Variants in DPP6 observed in about 807,000 individuals in gnomAD.
DPP6 encodes A-type potassium channel modulatory protein DPP6.
DPP6 carries 69 observed loss-of-function variants against 122.6 expected under a neutral mutation model. That is an observed-to-expected ratio of 0.56 (90% CI 0.46 to 0.69). The LOEUF is 0.69. Ranked by LOEUF, DPP6 falls within the 30% of genes least tolerant of loss-of-function variation. The pLI is 0.00. For synonymous variants in DPP6, 418 were observed against 433.1 expected, an observed-to-expected ratio of 0.97 and a Z score of 0.43; for missense variants, 928 against 1,116.9, an observed-to-expected ratio of 0.83 and a Z score of 2.41.
intron 5 of DPP6, among the ~76,000 whole-genome samples, chr7:154,620,589 A>T (rs1254617742): frequency 6.6e-6 from 1 of 152,222 alleles, no homozygotes; most frequent in Non-Finnish European, 1.5e-5. Flanking sequence ...TTCCTTCTGC[A>T]TTACATGAAT....
intron 1 of DPP6, among the ~76,000 whole-genome samples, chr7:154,206,748 G>C (rs1336351819): frequency 6.6e-6 from 1 of 152,204 alleles, no homozygotes; most frequent in African/African-American, 2.4e-5. Context: ...AAATGTTTTG[G>C]AACTGGATGG....
intron 17 of DPP6, among the ~76,000 whole-genome samples, chr7:154,866,460 C>T (rs1168766752): frequency 6.6e-6 from 1 of 152,230 alleles, no homozygotes; most frequent in African/African-American, 2.4e-5. Context: ...AACTCACGTG[C>T]ATGCCTGTGA....
intron 16 of DPP6, among the ~76,000 whole-genome samples, chr7:154,810,506 C>G (rs1293846901): frequency 2.0e-5 from 3 of 152,116 alleles, no homozygotes; most frequent in African/African-American, 7.2e-5. Context: ...GCCTTCTGTC[C>G]CAAGGGAGAT....
intron 2 of DPP6, among the ~76,000 whole-genome samples, chr7:154,456,329 C>G (rs979833112): frequency 6.6e-6 from 1 of 152,202 alleles, no homozygotes; most frequent in Non-Finnish European, 1.5e-5. Context: ...TCTAAATTGA[C>G]TCTGTGCATT....
At chr7:153,792,854 C>T in the DPP6 span, among the ~76,000 whole-genome samples, 4 of 152,110 alleles carry the variant, frequency 2.6e-5, no homozygotes, top group African/African-American at 7.2e-5. Context: ...CTTTCCCATG[C>T]TATTCTCATG....
intron 1 of DPP6, among the ~76,000 whole-genome samples, chr7:153,936,057 G>C (rs930743267): frequency 3.9e-5 from 6 of 152,216 alleles, no homozygotes; most frequent in Admixed American, 1.3e-4. Flanking sequence ...GCACGGGGCT[G>C]GGTGCAGTTC....
intron 6 of DPP6, among the ~76,000 whole-genome samples, chr7:154,663,569 C>T (rs1316743005): frequency 2.4e-5 from 1 of 42,546 alleles, no homozygotes; most frequent in African/African-American, 4.5e-5. Context: ...GTGTGTTGGC[C>T]CTAGTGTTCA....
chr7:153,758,552 A>G, the DPP6 span, among the ~76,000 whole-genome samples: 1 of 152,060 alleles, frequency 6.6e-6, no homozygotes, highest in Non-Finnish European at 1.5e-5. Context: ...CGTAAGGAAA[A>G]CCGATCTTTT....
chr7:154,001,854 A>G (rs2628984), intron 1 of DPP6, among the ~76,000 whole-genome samples: 1 of 152,036 alleles, frequency 6.6e-6, no homozygotes. Flanking sequence ...TGGAGTGAAA[A>G]CAGATACTGA....
chr7:154,635,494 C>T (rs1333687376), intron 5 of DPP6, among the ~76,000 whole-genome samples: 2 of 152,146 alleles, frequency 1.3e-5, no homozygotes, highest in Admixed American at 6.5e-5. Context: ...TCAGAAGAAA[C>T]GTATCTAAAT....
chr7:154,052,974 G>C lies in DPP6; in HGVS notation c.154G>C (p.Ala52Pro). Residue 52 changes from alanine to proline, a missense_variant, in exon 1 of 26, where the codon GCG (alanine) becomes CCG (proline). By Grantham distance (27) the Ala-to-Pro change is conservative (BLOSUM62 -1). Transcript: ENST00000377770. The surrounding 1 kb of genome is among the most constrained non-coding windows in gnomAD (Gnocchi z 4.8). ...CCTCGGCCCGCGGGCGCAGGCGGCG[G>C]CGCCCCGGGAGCGCGGCGGCGGCGG... Reference protein sequence around the residue: ...KPLGPRAQAAAPRERGGGGGG... With the variant: ...KPLGPRAQAAPPRERGGGGGG... 9.1e-7 allele frequency: 1 copy of C among 1,100,800 alleles called. No homozygotes were observed. The highest frequency in any genetic ancestry group is 4.1e-5 in the South Asian group (1 of 24,294). 68.2% of individuals were successfully genotyped at this position (1,100,800 alleles called of 1,614,324 possible).
chr7:154,389,283 G>A (rs1483454641), intron 1 of DPP6, among the ~76,000 whole-genome samples: 1 of 152,166 alleles, frequency 6.6e-6, no homozygotes, highest in Non-Finnish European at 1.5e-5. Context: ...CTCACACAAT[G>A]ATAAGATAAG....
At chr7:154,874,822 A>G (rs1804712458) in intron 19 of DPP6, among the ~76,000 whole-genome samples, 1 of 152,080 alleles carries the variant, frequency 6.6e-6, no homozygotes, top group Non-Finnish European at 1.5e-5. Flanking sequence ...ATCACTTAAA[A>G]ACTTCCCCAC....
intron 1 of DPP6, among the ~76,000 whole-genome samples, chr7:153,917,868 A>G (rs1168276220): frequency 6.6e-6 from 1 of 152,220 alleles, no homozygotes; most frequent in Non-Finnish European, 1.5e-5. Flanking sequence ...AATGAAAGAA[A>G]ATGTTTCAGA....
At chr7:154,112,506 G>T (rs543229172) in intron 1 of DPP6, among the ~76,000 whole-genome samples, 1 of 151,960 alleles carries the variant, frequency 6.6e-6, no homozygotes, top group African/African-American at 2.4e-5. Flanking sequence ...TTAGCCAGGC[G>T]TGGTGGCACA....
In DPP6 at chr7:154,406,520, C is replaced by G. The variant is rs548123961; in HGVS notation, c.244-39694C>G. On this transcript the variant is annotated intron_variant, in intron 1 of 25. Transcript: ENST00000377770. ...ACACATACATGCACACACATCCACGCACAAATGCACACACACACGCACCTG... is the reference window on the plus strand; with the variant it reads ...ACACATACATGCACACACATCCACGGACAAATGCACACACACACGCACCTG... Among the ~76,000 whole-genome samples, 493 of 151,856 alleles carry G rather than the reference C, an allele frequency of 3.2e-3. 4 individuals are homozygous for G. Among genetic ancestry groups the G allele is most frequent in the African/African-American group, 0.011 (471 of 41,390 alleles).
chr7:154,456,456 C>T (rs1432042344), intron 2 of DPP6, among the ~76,000 whole-genome samples: 1 of 152,012 alleles, frequency 6.6e-6, no homozygotes, highest in Non-Finnish European at 1.5e-5. Flanking sequence ...CTTTCTTTTT[C>T]ATTCAGTAAA....
At chr7:154,020,526 C>A (rs916504477) in intron 1 of DPP6, among the ~76,000 whole-genome samples, 32 of 152,072 alleles carry the variant, frequency 2.1e-4, no homozygotes, top group Admixed American at 2.1e-3. Context: ...TGGTTCTGAT[C>A]CAGAGCTTTT....
At chr7:154,629,382 A>T (rs1835275612) in intron 5 of DPP6, among the ~76,000 whole-genome samples, 1 of 151,398 alleles carries the variant, frequency 6.6e-6, no homozygotes, top group Non-Finnish European at 1.5e-5. Context: ...CTGACATCTC[A>T]TGCAGATAAC....
Sources: gnomAD v4.1 joint callset for allele counts (sites outside exome capture counted in the v4.1 genomes callset) on GRCh38, gnomAD v4.1.1 for gene constraint, Gnocchi (gnomAD v3.1) non-coding constraint, MANE v1.5 for transcripts, NCBI Gene and HGNC (gene_info 2026-07-23, HGNC 2026-07-21) for gene names.